The following PDE7B variants were observed in gnomAD, a reference collection of about 807,000 sequenced individuals.
PDE7B encodes 3',5'-cyclic-AMP phosphodiesterase 7B.
A neutral mutation model predicts 56.2 loss-of-function variants in PDE7B; 29 were observed. The observed-to-expected ratio is 0.52, with a 90% CI of 0.38 to 0.70. PDE7B has a LOEUF of 0.70. Among genes scored for constraint, PDE7B ranks in the 30% least tolerant of loss-of-function variants. The pLI, the probability that PDE7B is intolerant of heterozygous loss-of-function variation, is 0.00. For missense variants in PDE7B, 490 were observed against 565.0 expected (o/e 0.87, Z 1.35); for synonymous variants, 197 against 196.9 (o/e 1.00, Z 0.00).
intron 2 of PDE7B, among the ~76,000 whole-genome samples, chr6:136,067,907 A>G (rs1365104476): frequency 6.6e-6 from 1 of 152,214 alleles, no homozygotes. Flanking sequence ...CAGGAAGAGG[A>G]AAAGCAGCAA....
rs1775691166 is a variant in PDE7B, at chr6:136,002,524, A to C, written c.82+55000A>C. ...GAGGAAGATCTACCAAGCAAATGGA[A>C]AACAAAAAAAGGCAGGGGTTGCAAT... On this transcript the variant is annotated intron_variant, in intron 2 of 12. Transcript: ENST00000308191. Among the ~76,000 whole-genome samples, 6 of 152,200 alleles carry C rather than the reference A, an allele frequency of 3.9e-5. No homozygotes were observed. The South Asian group carries it at 1.2e-3, about 32-fold the overall frequency.
chr6:135,897,853 C>A (rs1005326159), intron 1 of PDE7B, among the ~76,000 whole-genome samples: 7 of 152,130 alleles, frequency 4.6e-5, no homozygotes, highest in African/African-American at 1.7e-4. Flanking sequence ...TGGCCACCAG[C>A]CCTGATTCGG....
intron 2 of PDE7B, among the ~76,000 whole-genome samples, chr6:136,015,216 G>A (rs774163861): frequency 1.6e-4 from 24 of 152,184 alleles, no homozygotes; most frequent in Non-Finnish European, 3.1e-4. Context: ...CACAACAGAC[G>A]TCATCAGCTT....
intron 8 of PDE7B, among the ~76,000 whole-genome samples, chr6:136,171,809 C>T (rs1778888393): frequency 7.5e-6 from 1 of 133,568 alleles, no homozygotes; most frequent in Admixed American, 8.4e-5. Context: ...CACAACAGGC[C>T]CTGGTGTGTG....
intron 1 of PDE7B, among the ~76,000 whole-genome samples, chr6:135,859,560 T>C (rs1775105351): frequency 6.6e-6 from 1 of 152,150 alleles, no homozygotes. Context: ...AAATCTCTTT[T>C]AATTATTAAA....
intron 2 of PDE7B, among the ~76,000 whole-genome samples, chr6:135,968,374 A>G (rs1282462894): frequency 1.3e-5 from 2 of 152,196 alleles, no homozygotes; most frequent in Non-Finnish European, 2.9e-5. Context: ...CAGGCAACCT[A>G]CAGAATGAGA....
chr6:135,967,723 G>T (rs1425678728), intron 2 of PDE7B, among the ~76,000 whole-genome samples: 5 of 152,186 alleles, frequency 3.3e-5, no homozygotes, highest in Non-Finnish European at 5.9e-5. Context: ...AAATGGTTTG[G>T]CTTATCTGCT....
intron 2 of PDE7B, among the ~76,000 whole-genome samples, chr6:135,997,077 C>A (rs1372637979): frequency 6.6e-6 from 1 of 152,014 alleles, no homozygotes; most frequent in Non-Finnish European, 1.5e-5. Context: ...ACTTTATTCT[C>A]GGTTTTTTTG....
At chr6:135,943,749 C>T (rs1045653686) in intron 1 of PDE7B, among the ~76,000 whole-genome samples, 1 of 152,094 alleles carries the variant, frequency 6.6e-6, no homozygotes, top group African/African-American at 2.4e-5. Flanking sequence ...TTATGAAGGC[C>T]CTGGTATGAA....
At chr6:136,123,456 G>A (rs1348781826) in intron 3 of PDE7B, among the ~76,000 whole-genome samples, 2 of 152,094 alleles carry the variant, frequency 1.3e-5, no homozygotes, top group East Asian at 1.9e-4. Context: ...CTATCTCAAC[G>A]TTCACATAGA....
At chr6:136,015,922 T>A (rs1775970074) in intron 2 of PDE7B, among the ~76,000 whole-genome samples, 1 of 152,212 alleles carries the variant, frequency 6.6e-6, no homozygotes, top group South Asian at 2.1e-4. Context: ...AGAACATCTA[T>A]GTCAAACAGA....
chr6:135,956,154 G>T (rs1003425527), intron 2 of PDE7B, among the ~76,000 whole-genome samples: 1 of 151,828 alleles, frequency 6.6e-6, no homozygotes, highest in African/African-American at 2.4e-5. Flanking sequence ...AAAATAGAGT[G>T]GGCAGAAAGA....
At chr6:135,980,690 C>G (rs1395376688) in intron 2 of PDE7B, among the ~76,000 whole-genome samples, 2,587 of 150,770 alleles carry the variant, frequency 0.017, 79 homozygotes, top group African/African-American at 0.059. Flanking sequence ...AAAATGCTCA[C>G]CATCACTGGC....
intron 8 of PDE7B, chr6:136,166,351 C>T (rs1778792882): frequency 6.6e-6 from 1 of 152,250 alleles, no homozygotes; most frequent in African/African-American, 2.4e-5. Context: ...AAACAGCCTT[C>T]CACTTGTATA....
intron 2 of PDE7B, among the ~76,000 whole-genome samples, chr6:135,963,862 A>C (rs984919134): frequency 4.6e-5 from 7 of 152,154 alleles, no homozygotes; most frequent in Admixed American, 2.6e-4. Context: ...TTTTCTCTAA[A>C]AGGGGATAAA....
At chr6:136,013,514 G>A (rs1397271235) in intron 2 of PDE7B, among the ~76,000 whole-genome samples, 1 of 152,240 alleles carries the variant, frequency 6.6e-6, no homozygotes, top group Non-Finnish European at 1.5e-5. Flanking sequence ...GACAAGATAA[G>A]CATGCTGTTA....
chr6:136,190,487 G>A (rs1275241282), intron 12 of PDE7B, among the ~76,000 whole-genome samples: 2 of 152,152 alleles, frequency 1.3e-5, no homozygotes, highest in South Asian at 2.1e-4. Flanking sequence ...TCACATGCCT[G>A]TAAACATACA....
At chr6:135,983,269 T>C (rs1279302122) in intron 2 of PDE7B, among the ~76,000 whole-genome samples, 9 of 152,156 alleles carry the variant, frequency 5.9e-5, no homozygotes, top group Non-Finnish European at 1.2e-4. Context: ...TGGGCTGAGT[T>C]CACCCCTACC....
chr6:135,954,072 C>T (rs1156549461), intron 2 of PDE7B, among the ~76,000 whole-genome samples: 1 of 152,174 alleles, frequency 6.6e-6, no homozygotes, highest in African/African-American at 2.4e-5. Context: ...GTGGAAGCAT[C>T]ATTCCCCATC....
Sources: gnomAD v4.1 joint callset for allele counts (sites outside exome capture counted in the v4.1 genomes callset) on GRCh38, gnomAD v4.1.1 for gene constraint, MANE v1.5 for transcripts, NCBI Gene and HGNC (gene_info 2026-07-23, HGNC 2026-07-21) for gene names.